The following NEK11 variants were observed in gnomAD, a reference collection of about 807,000 sequenced individuals.
The protein encoded by NEK11 is NIMA related kinase 11, also known as serine/threonine-protein kinase Nek11.
Under a neutral mutation model 80.7 loss-of-function variants are expected in NEK11, and 72 were observed. The ratio of observed to expected loss-of-function variants is 0.89; its 90% CI spans 0.74 to 1.08. The LOEUF is 1.08. NEK11 is among the 50% of genes least tolerant of loss of function. NEK11 has a pLI of 0.00. For synonymous variants in NEK11, 251 were observed against 260.7 expected (o/e 0.96, Z 0.36); for missense variants, 764 against 763.6 (o/e 1.00, Z -0.01).
chr3:131,300,081 G>A (rs1457253560), intron 17 of NEK11, among the ~76,000 whole-genome samples: 2 of 151,990 alleles, frequency 1.3e-5, no homozygotes, highest in Non-Finnish European at 2.9e-5. Context: ...GTGACTGGTG[G>A]GAAATGGTAT....
intron 3 of NEK11, among the ~76,000 whole-genome samples, chr3:131,080,064 TGTA>T (rs1299165240): frequency 6.6e-5 from 10 of 151,612 alleles, no homozygotes; most frequent in Admixed American, 2.0e-4. Context: ...TGTGTGTGTG[TGTA>T]TGAACACACA....
At chr3:131,157,092 T>C (rs2090796821) in intron 10 of NEK11, among the ~76,000 whole-genome samples, 1 of 152,078 alleles carries the variant, frequency 6.6e-6, no homozygotes, top group East Asian at 1.9e-4. Flanking sequence ...TATTGTAAAA[T>C]TCCAAATTAA....
At chr3:131,276,476 A>C (rs1013274485) in intron 17 of NEK11, among the ~76,000 whole-genome samples, 2 of 152,268 alleles carry the variant, frequency 1.3e-5, no homozygotes, top group Middle Eastern at 3.4e-3. Context: ...CAGACATTGC[A>C]TGTGGGCCAC....
intron 16 of NEK11, among the ~76,000 whole-genome samples, chr3:131,268,989 C>G (rs2096121931): frequency 6.6e-6 from 1 of 152,234 alleles, no homozygotes; most frequent in South Asian, 2.1e-4. Context: ...TCTAGAGAGA[C>G]AGTCTGACTA....
intron 17 of NEK11, among the ~76,000 whole-genome samples, chr3:131,307,728 G>T (rs2096736882): frequency 6.6e-6 from 1 of 152,174 alleles, no homozygotes; most frequent in East Asian, 1.9e-4. Context: ...GTTCTTCAGG[G>T]AAGACAGAGC....
In NEK11 at chr3:131,026,915, C is replaced by T. The variant is rs907642848; in HGVS notation, c.-261C>T. 1 of 152,276 alleles carries T rather than the reference C, an allele frequency of 6.6e-6. No homozygotes were observed. The highest frequency in any genetic ancestry group is 1.5e-5 in the Non-Finnish European group (1 of 68,088). The allele number at this position is 152,276 out of a possible 1,614,324, so 9.4% of individuals were successfully genotyped here. ...GCCGTGGCCCGCGGTGTCTGGCGCTCGGTGGGTGTGGTTGCCCCTAGTTTG... is the reference window on the plus strand; with the variant it reads ...GCCGTGGCCCGCGGTGTCTGGCGCTTGGTGGGTGTGGTTGCCCCTAGTTTG... On this transcript the variant is annotated 5_prime_UTR_variant, in exon 1 of 18. Coordinates refer to ENST00000383366, the MANE Select transcript of NEK11 (RefSeq NM_024800.5).
chr3:131,060,222 A>T (rs1191739073), intron 3 of NEK11, among the ~76,000 whole-genome samples: 3 of 152,228 alleles, frequency 2.0e-5, no homozygotes, highest in African/African-American at 7.2e-5. Context: ...TTTTGGCTCT[A>T]AGGGTCTAAA....
intron 16 of NEK11, among the ~76,000 whole-genome samples, chr3:131,267,133 T>A (rs1393758163): frequency 6.6e-6 from 1 of 152,238 alleles, no homozygotes; most frequent in Non-Finnish European, 1.5e-5. Context: ...GAGTCTTGAC[T>A]CTCTATCCAA....
At chr3:131,082,513 T>C (rs1331527313) in intron 4 of NEK11, among the ~76,000 whole-genome samples, 1 of 152,250 alleles carries the variant, frequency 6.6e-6, no homozygotes, top group Non-Finnish European at 1.5e-5. Context: ...TCTAATATAG[T>C]AGTCGCTAGT....
intron 17 of NEK11, among the ~76,000 whole-genome samples, chr3:131,278,488 T>A (rs1056262971): frequency 2.0e-5 from 3 of 152,212 alleles, no homozygotes; most frequent in African/African-American, 7.2e-5. Flanking sequence ...CCTTTGTGGC[T>A]CCATGGTCCT....
At chr3:131,319,049 G>A (rs955786342) in intron 17 of NEK11, among the ~76,000 whole-genome samples, 30 of 151,668 alleles carry the variant, frequency 2.0e-4, no homozygotes, top group Non-Finnish European at 8.8e-5. Flanking sequence ...ATATAATGTT[G>A]ACATAAACTT....
chr3:131,232,346 C>G (rs1219980202), intron 15 of NEK11, among the ~76,000 whole-genome samples: 1 of 152,220 alleles, frequency 6.6e-6, no homozygotes. Context: ...ACTCTTCTGT[C>G]TTTCCTTTGC....
intron 14 of NEK11, among the ~76,000 whole-genome samples, chr3:131,228,294 C>T (rs2095254042): frequency 6.6e-6 from 1 of 152,078 alleles, no homozygotes; most frequent in South Asian, 2.1e-4. Flanking sequence ...TTTTTTCTTA[C>T]CTTCAAACGG....
chr3:131,261,019 A>G (rs1344023786), intron 16 of NEK11, among the ~76,000 whole-genome samples: 2 of 152,126 alleles, frequency 1.3e-5, no homozygotes, highest in Non-Finnish European at 2.9e-5. Context: ...TTTTTCTTTT[A>G]TGATCAAGGT....
intron 4 of NEK11, among the ~76,000 whole-genome samples, chr3:131,097,055 G>C (rs1392981867): frequency 2.6e-5 from 4 of 151,688 alleles, no homozygotes; most frequent in Non-Finnish European, 4.4e-5. Context: ...CCCTACAAAG[G>C]ACATGAACTC....
intron 5 of NEK11, among the ~76,000 whole-genome samples, chr3:131,122,838 C>A (rs562155719): frequency 6.6e-6 from 1 of 152,058 alleles, no homozygotes; most frequent in Admixed American, 6.6e-5. Flanking sequence ...GAAGAATGAC[C>A]TGATGGGGAG....
At chr3:131,231,320 C>T (rs1301345449) in intron 15 of NEK11, among the ~76,000 whole-genome samples, 4 of 150,598 alleles carry the variant, frequency 2.7e-5, no homozygotes, top group Non-Finnish European at 5.9e-5. Context: ...TGTAGCCTTC[C>T]TGCGGTCACG....
chr3:131,245,301 T>TTGTGTGTGTGTGTGTGTG lies in NEK11; in HGVS notation c.1621+1815_1621+1832dup, dbSNP rs4044352. Among the ~76,000 whole-genome samples the TTGTGTGTGTGTGTGTGTG allele has an allele frequency of 3.1e-3, 441 of 140,794 alleles. 5 individuals are homozygous for TTGTGTGTGTGTGTGTGTG. Among genetic ancestry groups the TTGTGTGTGTGTGTGTGTG allele is most frequent in the African/African-American group, 0.012 (408 of 35,316 alleles). The allele number at this position is 140,794 out of a possible 152,430, so 92.4% of individuals were successfully genotyped here. On this transcript the variant is annotated intron_variant, in intron 16 of 17. Coordinates refer to ENST00000383366, the MANE Select transcript of NEK11 (RefSeq NM_024800.5). Reference sequence around the variant, plus strand: ...TTTTTTGTGGTTGAATAGTATTCCATTGTGTGTGTGTGTGTGTGTGTGTGT... The same window carrying TTGTGTGTGTGTGTGTGTG: ...TTTTTTGTGGTTGAATAGTATTCCATTGTGTGTGTGTGTGTGTGTGTGTGTGTGTGTGTGTGTGTGTGT...
intron 5 of NEK11, among the ~76,000 whole-genome samples, chr3:131,115,992 T>TTCTCTTTCTTTCTTTC (rs1553878713): frequency 5.7e-5 from 7 of 123,202 alleles, no homozygotes; most frequent in South Asian, 2.6e-4. Context: ...CTTTCTTTAT[T>TTCTCTTTCTTTCTTTC]ATACTTTAAG....
Sources: allele counts gnomAD v4.1 joint callset (sites outside exome capture counted in the v4.1 genomes callset), GRCh38; gene constraint gnomAD v4.1.1; transcripts MANE v1.5; gene names NCBI Gene and HGNC (gene_info 2026-07-23, HGNC 2026-07-21).